Variants in XRRA1 observed in about 807,000 individuals in gnomAD.
The protein encoded by XRRA1 is X-ray radiation resistance associated 1, also known as X-ray radiation resistance-associated protein 1.
XRRA1 carries 69 observed loss-of-function variants against 80.2 expected under a neutral mutation model. The observed-to-expected ratio is 0.86, with a 90% confidence interval of 0.71 to 1.05. The LOEUF (loss-of-function observed/expected upper bound fraction) is 1.05, where lower values mean the gene tolerates loss of function less well. Ranked by LOEUF, XRRA1 falls within the 50% of genes least tolerant of loss-of-function variation. The probability of loss-of-function intolerance (pLI) is 0.00; values close to 1 mark genes in which losing one functional copy is unlikely to be tolerated. For synonymous variants in XRRA1, 348 were observed against 389.9 expected, an observed-to-expected ratio of 0.89 and a Z score of 1.27; for missense variants, 967 against 976.4, an observed-to-expected ratio of 0.99 and a Z score of 0.13.
At position 74,921,110 on chromosome 11, in the gene XRRA1, G is replaced by C. The variant is rs907470812; in HGVS notation, c.656+104C>G. ...CAGTAGGTGCCATTATCCCTGCTTT[G>C]AGCACTTACAGCCTATCTTTATGGC... is the stretch of plus-strand genomic sequence containing the variant. On this transcript the variant is annotated intron_variant, in intron 8 of 18. Coordinates refer to ENST00000684022, the MANE Select transcript of XRRA1 (RefSeq NM_001378157.1). The C allele has an allele frequency of 1.3e-5, 19 of 1,448,366 alleles. No individual in the cohort carries two copies. The South Asian group carries it at 2.1e-4, about 16-fold the overall frequency. The allele number at this position is 1,448,366 out of a possible 1,614,324, so 89.7% of individuals were successfully genotyped here.
In XRRA1 at chr11:74,859,185, C is replaced by T. The variant is rs1473043314; in HGVS notation, c.1143G>A (p.Leu381=). 9 of 1,608,506 alleles carry T rather than the reference C, an allele frequency of 5.6e-6. No homozygotes were observed. In the South Asian group the frequency reaches 7.8e-5, roughly 14 times the overall value. Residue 381 remains leucine (L), a synonymous_variant, in exon 12 of 19, where the codon CTG becomes CTA. Coordinates refer to ENST00000684022, the MANE Select transcript of XRRA1 (RefSeq NM_001378157.1). The part of the protein sequence containing the change: ...NQTLAPPFPE[L]RYLSLAYNKI... ...TGTTGTAGGCCAGGCTAAGGTATCT[C>T]AGCTCTGGGAAGGGTGGGGCCAGCG...
intron 10 of XRRA1, among the ~76,000 whole-genome samples, chr11:74,885,381 G>T (rs1167770223): frequency 6.6e-6 from 1 of 152,104 alleles, no homozygotes; most frequent in Non-Finnish European, 1.5e-5. Flanking sequence ...AAAACAATTA[G>T]ATATGACAAA....
intron 14 of XRRA1, among the ~76,000 whole-genome samples, chr11:74,848,970 T>TC (rs917975443): frequency 6.6e-6 from 1 of 152,202 alleles, no homozygotes; most frequent in African/African-American, 2.4e-5. Context: ...AGGATGCTGT[T>TC]CCCTATACCT....
intron 10 of XRRA1, among the ~76,000 whole-genome samples, chr11:74,891,185 C>A (rs961472117): frequency 3.9e-5 from 6 of 152,176 alleles, no homozygotes; most frequent in Admixed American, 6.5e-5. Context: ...TCCAGCAGCA[C>A]ATCAAAAAGC....
rs112814287 is a variant in XRRA1 at position 74,845,084 on chromosome 11, A to G, written c.1916T>C (p.Ile639Thr). 3,741 of 1,613,604 alleles carry G rather than the reference A, an allele frequency of 2.3e-3. 58 individuals carry two copies. The African/African-American group carries it at 0.035, about 15-fold the overall frequency. Residue 639 changes from isoleucine (I) to threonine (T), a missense_variant, in exon 16 of 19, where the codon ATT becomes ACT. Ile to Thr is a moderately conservative substitution (Grantham distance 89). Transcript: ENST00000684022. ...LLTAKPDPAF[I>T]EPKGIQKNAQ... ...ATGCCCTCACATACCCTTTGGCTCA[A>G]TGAAGGCTGGATCAGGCTTGGCTGT...
At chr11:74,885,278 A>G (rs1026635340) in intron 10 of XRRA1, among the ~76,000 whole-genome samples, 1 of 152,232 alleles carries the variant, frequency 6.6e-6, no homozygotes, top group African/African-American at 2.4e-5. Context: ...AAGAGAAAAA[A>G]GATCAACAAA....
At position 74,843,257 on chromosome 11, in the gene XRRA1, G is replaced by GC; in HGVS notation, c.2345_2346insG (p.Phe782LeufsTer7). 1 of 1,571,842 alleles carries GC rather than the reference G, an allele frequency of 6.4e-7. No individual in the cohort carries two copies. Among genetic ancestry groups the GC allele is most frequent in the Non-Finnish European group, 8.6e-7 (1 of 1,158,680 alleles). ...GGCAGAACTCATCCATGAACTCGAG[G>GC]AAGTGGCCGAACTTGGGCTGGCTCT... On this transcript the variant is annotated frameshift_variant, in exon 19 of 19. Coordinates refer to ENST00000684022, the MANE Select transcript of XRRA1 (RefSeq NM_001378157.1). LOFTEE classifies it high-confidence loss of function.
chr11:74,889,745 G>T (rs1362288405), intron 10 of XRRA1, among the ~76,000 whole-genome samples: 3 of 152,134 alleles, frequency 2.0e-5, no homozygotes, highest in Non-Finnish European at 4.4e-5. Context: ...AAAGGCAGGG[G>T]TTGCAATTCT....
At chr11:74,846,873 T>C (rs545015070) in intron 15 of XRRA1, among the ~76,000 whole-genome samples, 4 of 152,258 alleles carry the variant, frequency 2.6e-5, no homozygotes, top group African/African-American at 9.6e-5. Context: ...CTGTTCATCA[T>C]TGTATTAAAG....
intron 10 of XRRA1, among the ~76,000 whole-genome samples, chr11:74,881,756 T>C (rs2047655865): frequency 6.6e-6 from 1 of 150,828 alleles, no homozygotes. Context: ...TTATTTCTCC[T>C]TCACTTATGA....
At chr11:74,943,050 C>CT (rs2139995404) in intron 2 of XRRA1, among the ~76,000 whole-genome samples, 1 of 152,294 alleles carries the variant, frequency 6.6e-6, no homozygotes, top group Non-Finnish European at 1.5e-5. Context: ...GGGAGAGAGA[C>CT]TTCAAATATC....
intron 13 of XRRA1, among the ~76,000 whole-genome samples, chr11:74,851,598 C>T (rs914771591): frequency 6.6e-6 from 1 of 152,198 alleles, no homozygotes; most frequent in Non-Finnish European, 1.5e-5. Context: ...GGGGCTGCAC[C>T]CCTCTGCAAC....
At chr11:74,931,194 G>A (rs1269235223) in intron 5 of XRRA1, among the ~76,000 whole-genome samples, 1 of 151,682 alleles carries the variant, frequency 6.6e-6, no homozygotes, top group East Asian at 1.9e-4. Context: ...AAAACTTTAC[G>A]TTAAATGCAA....
intron 10 of XRRA1, among the ~76,000 whole-genome samples, chr11:74,899,283 G>A (rs958623173): frequency 4.6e-5 from 7 of 152,054 alleles, no homozygotes; most frequent in African/African-American, 1.7e-4. Flanking sequence ...AAAATTTATA[G>A]CTCCAAGTGC....
chr11:74,941,957 A>T (rs906270532), intron 2 of XRRA1, among the ~76,000 whole-genome samples: 7 of 152,114 alleles, frequency 4.6e-5, no homozygotes, highest in Admixed American at 1.3e-4. Context: ...GCAAAAAATT[A>T]AAAAAAATTA....
intron 12 of XRRA1, among the ~76,000 whole-genome samples, 174 bp downstream of exon 12, chr11:74,858,984 A>G (rs972334813): frequency 1.3e-5 from 2 of 152,168 alleles, no homozygotes; most frequent in Admixed American, 1.3e-4. Context: ...GACTGAAGAG[A>G]TGGACTCCTG....
chr11:74,886,061 C>T (rs2048948862), intron 10 of XRRA1, among the ~76,000 whole-genome samples: 1 of 151,988 alleles, frequency 6.6e-6, no homozygotes, highest in Non-Finnish European at 1.5e-5. Flanking sequence ...AGGAATAAAC[C>T]TTAAAATAAT....
chr11:74,920,094 C>G (rs1335162847), intron 8 of XRRA1: 1 of 165,100 alleles, frequency 6.1e-6, no homozygotes, highest in Non-Finnish European at 1.3e-5. Context: ...CTAACAGAAG[C>G]TGCACACATG....
chr11:74,863,082 CCAGGATATAGGT>C, intron 10 of XRRA1, 61 bp from the exon 11 acceptor site: 1 of 1,479,236 alleles, frequency 6.8e-7, no homozygotes, highest in Non-Finnish European at 9.3e-7. Context: ...CCTAGAGCAC[CCAGGATATAGGT>C]CTGCCATCCA....
Sources: gnomAD v4.1 joint callset for allele counts (sites outside exome capture counted in the v4.1 genomes callset) on GRCh38, gnomAD v4.1.1 for gene constraint, MANE v1.5 for transcripts, NCBI Gene and HGNC (gene_info 2026-07-23, HGNC 2026-07-21) for gene names.